The following RAB38 variants were observed in gnomAD, a reference collection of about 807,000 sequenced individuals.
RAB38 encodes the protein ras-related protein Rab-38.
RAB38 carries 15 observed loss-of-function variants against 18.4 expected under a neutral mutation model. The ratio of observed to expected loss-of-function variants is 0.82; its 90% CI spans 0.55 to 1.26. The LOEUF (loss-of-function observed/expected upper bound fraction) is 1.26, where lower values mean the gene tolerates loss of function less well. RAB38 is among the 50% of genes most tolerant of loss of function. RAB38 has a pLI of 0.00. For missense variants in RAB38, 294 were observed against 267.4 expected, an observed-to-expected ratio of 1.10 and a Z score of -0.69; for synonymous variants, 101 against 104.4, an observed-to-expected ratio of 0.97 and a Z score of 0.20.
chr11:88,011,086 G>C, the RAB38 span, among the ~76,000 whole-genome samples: 72 of 152,300 alleles, frequency 4.7e-4, no homozygotes, highest in African/African-American at 1.7e-3. Context: ...GGCTATTCCA[G>C]ATGGGTATCT....
At chr11:87,913,072 A>G in the RAB38 span, among the ~76,000 whole-genome samples, 1 of 151,838 alleles carries the variant, frequency 6.6e-6, no homozygotes, top group African/African-American at 2.4e-5. Flanking sequence ...CTATCTTTCT[A>G]TTACTGAATT....
At chr11:87,903,240 A>G in the RAB38 span, among the ~76,000 whole-genome samples, 1 of 151,382 alleles carries the variant, frequency 6.6e-6, no homozygotes, top group Non-Finnish European at 1.5e-5. Flanking sequence ...TTAGTTTATG[A>G]GTCTACTTTC....
At chr11:88,068,580 C>A in the RAB38 span, among the ~76,000 whole-genome samples, 4 of 152,076 alleles carry the variant, frequency 2.6e-5, no homozygotes, top group East Asian at 7.7e-4. Flanking sequence ...TACCATGGCA[C>A]TTTTTACAAT....
At chr11:88,153,334 T>C (rs187398550) in intron 1 of RAB38, among the ~76,000 whole-genome samples, 27 of 152,298 alleles carry the variant, frequency 1.8e-4, no homozygotes, top group African/African-American at 5.8e-4. Flanking sequence ...CAGCTAAAAA[T>C]ACACACAAAC....
At chr11:87,878,246 C>CCCATCAT in the RAB38 span, among the ~76,000 whole-genome samples, 2 of 77,442 alleles carry the variant, frequency 2.6e-5, no homozygotes, top group Non-Finnish European at 4.6e-5. Context: ...TACACACACA[C>CCCATCAT]CTATCATCTA....
chr11:87,874,545 T>A, the RAB38 span, among the ~76,000 whole-genome samples: 1 of 151,412 alleles, frequency 6.6e-6, no homozygotes, highest in East Asian at 2.0e-4. Context: ...GTATACCTAA[T>A]GTAAATGATG....
the RAB38 span, among the ~76,000 whole-genome samples, chr11:88,050,906 G>A: frequency 1.3e-5 from 2 of 152,110 alleles, no homozygotes; most frequent in African/African-American, 4.8e-5. Context: ...TTTTCTGCCT[G>A]TCTTCCTGCT....
chr11:88,138,552 T>C (rs948432163), intron 2 of RAB38, among the ~76,000 whole-genome samples: 1 of 151,892 alleles, frequency 6.6e-6, no homozygotes, highest in African/African-American at 2.4e-5. Flanking sequence ...GAAGAAGAGA[T>C]CTGAATAGAG....
At chr11:87,807,303 T>G in the RAB38 span, among the ~76,000 whole-genome samples, 1 of 152,330 alleles carries the variant, frequency 6.6e-6, no homozygotes, top group Non-Finnish European at 1.5e-5. Flanking sequence ...GTTTGAGATT[T>G]AAAGTTTTCC....
the RAB38 span, among the ~76,000 whole-genome samples, chr11:88,083,095 C>G: frequency 1.3e-3 from 204 of 151,926 alleles, 1 homozygote; most frequent in African/African-American, 4.7e-3. Flanking sequence ...CTGGGTTGGT[C>G]TAGCTATTCT....
chr11:88,160,230 T>C (rs923228940), intron 1 of RAB38, among the ~76,000 whole-genome samples: 2 of 152,002 alleles, frequency 1.3e-5, no homozygotes, highest in Non-Finnish European at 2.9e-5. Context: ...AAATATCCCA[T>C]ATCACTGAAC....
the RAB38 span, among the ~76,000 whole-genome samples, chr11:87,838,227 G>C: frequency 9.2e-5 from 14 of 151,780 alleles, no homozygotes; most frequent in Non-Finnish European, 1.9e-4. Flanking sequence ...CCATTCTCCT[G>C]CCTCAACCTC....
chr11:87,954,200 CCCCTTCCTTTGATTGTCCTT>C, the RAB38 span, among the ~76,000 whole-genome samples: 1 of 152,096 alleles, frequency 6.6e-6, no homozygotes, highest in East Asian at 1.9e-4. Context: ...TATTCTGGAT[CCCCTTCCTTTGATTGTCCTT>C]CTTGTGAGAG....
At chr11:88,114,203 G>C (rs1945917216) in intron 2 of RAB38, 63 bp from the exon 3 acceptor site, 11 of 1,539,150 alleles carry the variant, frequency 7.1e-6, no homozygotes, top group Non-Finnish European at 8.9e-6. Flanking sequence ...CTAGAGCAGA[G>C]ACTTATATGT....
chr11:87,897,944 T>C, the RAB38 span, among the ~76,000 whole-genome samples: 1 of 151,602 alleles, frequency 6.6e-6, no homozygotes, highest in Non-Finnish European at 1.5e-5. Flanking sequence ...CATATAATTA[T>C]AGGCAGCTAT....
chr11:88,059,472 A>G, the RAB38 span, among the ~76,000 whole-genome samples: 1 of 152,346 alleles, frequency 6.6e-6, no homozygotes, highest in Non-Finnish European at 1.5e-5. Context: ...TTCTTCAGGA[A>G]TGTTTCTAAA....
At chr11:88,159,632 C>T (rs1275751428) in intron 1 of RAB38, among the ~76,000 whole-genome samples, 1 of 151,954 alleles carries the variant, frequency 6.6e-6, no homozygotes, top group Non-Finnish European at 1.5e-5. Flanking sequence ...AAAACAGACA[C>T]ATAGACCAAT....
the RAB38 span, among the ~76,000 whole-genome samples, chr11:88,024,917 TAGTTAGAA>T: frequency 1.9e-5 from 1 of 51,668 alleles, no homozygotes; most frequent in Non-Finnish European, 7.5e-5. Flanking sequence ...ACAAAAAAAA[TAGTTAGAA>T]AGAATGAATA....
the RAB38 span, among the ~76,000 whole-genome samples, chr11:87,842,150 G>C: frequency 6.6e-6 from 1 of 152,038 alleles, no homozygotes; most frequent in South Asian, 2.1e-4. Context: ...TGTCAGAGAG[G>C]CTGCTTAGAA....
Sources: allele counts gnomAD v4.1 joint callset (sites outside exome capture counted in the v4.1 genomes callset), GRCh38; gene constraint gnomAD v4.1.1; transcripts MANE v1.5; gene names NCBI Gene and HGNC (gene_info 2026-07-23, HGNC 2026-07-21).